Variants in COL28A1 observed in about 807,000 individuals in gnomAD.
The protein encoded by COL28A1 is collagen type XXVIII alpha 1 chain.
Under a neutral mutation model 150.2 loss-of-function variants are expected in COL28A1, and 161 were observed. The ratio of observed to expected loss-of-function variants is 1.07; its 90% CI spans 0.94 to 1.22. The LOEUF (loss-of-function observed/expected upper bound fraction) is 1.22, where lower values mean the gene tolerates loss of function less well. COL28A1 is among the 50% of genes most tolerant of loss of function. The pLI, the probability that COL28A1 is intolerant of heterozygous loss-of-function variation, is 0.00. For synonymous variants in COL28A1, 552 were observed against 469.7 expected, an observed-to-expected ratio of 1.18 and a Z score of -2.26; for missense variants, 1,617 against 1,388.3, an observed-to-expected ratio of 1.16 and a Z score of -2.62.
intron 27 of COL28A1, among the ~76,000 whole-genome samples, chr7:7,394,681 C>T (rs185361430): frequency 4.0e-5 from 6 of 151,836 alleles, no homozygotes; most frequent in East Asian, 3.9e-4. Flanking sequence ...TTATCTACCC[C>T]GAGACTGTGA....
chr7:7,417,640 T>G, intron 27 of COL28A1: 1 of 546,414 alleles, frequency 1.8e-6, no homozygotes, highest in South Asian at 2.3e-5. Context: ...AGTTCACTTT[T>G]GCACCAAGCA....
chr7:7,400,234 T>C (rs928854916), intron 27 of COL28A1, among the ~76,000 whole-genome samples: 1 of 152,164 alleles, frequency 6.6e-6, no homozygotes, highest in Admixed American at 6.6e-5. Context: ...AGTTAAGGAT[T>C]GTGGCATGGG....
At chr7:7,473,177 G>T (rs553281696) in intron 15 of COL28A1, among the ~76,000 whole-genome samples, 2 of 152,226 alleles carry the variant, frequency 1.3e-5, no homozygotes, top group Admixed American at 6.5e-5. Context: ...ATAAATAGCT[G>T]GGACTTAATT....
chr7:7,389,537 G>A (rs1218218005), intron 27 of COL28A1, among the ~76,000 whole-genome samples: 1 of 152,176 alleles, frequency 6.6e-6, no homozygotes, highest in East Asian at 1.9e-4. Context: ...TGTGATGGAA[G>A]TCAATAGTAG....
chr7:7,521,245 T>A (rs1781708055), intron 5 of COL28A1, among the ~76,000 whole-genome samples: 1 of 152,220 alleles, frequency 6.6e-6, no homozygotes. Flanking sequence ...GCATTTCCAG[T>A]GATCTAGATG....
intron 25 of COL28A1, among the ~76,000 whole-genome samples, chr7:7,425,463 G>C (rs1784602953): frequency 6.6e-6 from 1 of 152,168 alleles, no homozygotes; most frequent in Non-Finnish European, 1.5e-5. Context: ...GTATTACACA[G>C]GTCCCACACG....
chr7:7,437,975 C>T (rs1214919928), intron 21 of COL28A1, among the ~76,000 whole-genome samples: 1 of 146,288 alleles, frequency 6.8e-6, no homozygotes, highest in Non-Finnish European at 1.5e-5. Flanking sequence ...TGGCTCACAC[C>T]TGTAATCCCA....
At chr7:7,391,487 T>C (rs1782537263) in intron 27 of COL28A1, among the ~76,000 whole-genome samples, 1 of 152,224 alleles carries the variant, frequency 6.6e-6, no homozygotes, top group Admixed American at 6.5e-5. Context: ...TAGATGTCTA[T>C]TAGGTCCAGC....
Position 7,515,961 on chromosome 7 carries a change from G to A in COL28A1, c.856-121C>T. ...CACATCTATACAGTCTGGAAAATTA[G>A]ATCATAGAAATGTAAACTGTTCCAC... On this transcript the variant is annotated intron_variant, in intron 7 of 34. Transcript: ENST00000399429. The A allele has an allele frequency of 1.3e-5, 8 of 612,196 alleles. No individual in the cohort carries two copies. The East Asian group carries it at 2.4e-4, about 18-fold the overall frequency. The allele number at this position is 612,196 out of a possible 1,614,324, so 37.9% of individuals were successfully genotyped here. A position where few individuals can be genotyped will look rare whatever the true frequency, so the allele number is the denominator to read the frequency against.
At chr7:7,375,580 T>C in intron 30 of COL28A1, 83 bp from the exon 31 acceptor site, 5 of 867,882 alleles carry the variant, frequency 5.8e-6, no homozygotes, top group Non-Finnish European at 8.4e-6. Context: ...CTCATTACAA[T>C]CAGCACTGGA....
chr7:7,436,208 T>C (rs574094921), intron 23 of COL28A1, among the ~76,000 whole-genome samples, 187 bp downstream of exon 23: 109 of 152,322 alleles, frequency 7.2e-4, no homozygotes, highest in Admixed American at 1.4e-3. Context: ...AAGAGCTACT[T>C]TTCCCCACAA....
At chr7:7,513,690 G>T (rs1781270804) in intron 8 of COL28A1, among the ~76,000 whole-genome samples, 1 of 152,136 alleles carries the variant, frequency 6.6e-6, no homozygotes, top group Non-Finnish European at 1.5e-5. Context: ...ATATAAAACA[G>T]AAAGTACCAT....
chr7:7,494,233 T>C (rs187413730), intron 11 of COL28A1, among the ~76,000 whole-genome samples: 1 of 152,308 alleles, frequency 6.6e-6, no homozygotes, highest in East Asian at 1.9e-4. Flanking sequence ...TTTAATCTTC[T>C]AACAATCATA....
chr7:7,521,826 G>T, intron 5 of COL28A1, 79 bp downstream of exon 5: 4 of 815,508 alleles, frequency 4.9e-6, no homozygotes, highest in Non-Finnish European at 8.8e-6. Context: ...GTGCAAAATA[G>T]CCCCGATGTT....
chr7:7,385,570 T>C (rs947639159), intron 27 of COL28A1, among the ~76,000 whole-genome samples: 1 of 152,224 alleles, frequency 6.6e-6, no homozygotes, highest in Non-Finnish European at 1.5e-5. Context: ...CTCCAGAAGA[T>C]GTCCAATACA....
chr7:7,487,842 T>C (rs1340487766), intron 13 of COL28A1, among the ~76,000 whole-genome samples: 1 of 152,160 alleles, frequency 6.6e-6, no homozygotes, highest in Non-Finnish European at 1.5e-5. Context: ...AAGCTTTACA[T>C]GATGAGTGGT....
In COL28A1 at chr7:7,363,964, C is replaced by A. The variant is rs111915894; in HGVS notation, c.3067-3436G>T. ...CCCAGCCTCCTCCACATTTTTATAA[C>A]CTTGTCTTCCACTACTCCCAGAATA... is the stretch of plus-strand genomic sequence containing the variant. On this transcript the variant is annotated intron_variant, in intron 33 of 34. Coordinates refer to ENST00000399429, the MANE Select transcript of COL28A1 (RefSeq NM_001037763.3). 2.9e-3 allele frequency among the ~76,000 whole-genome samples: 445 copies of A among 152,082 alleles called. 6 individuals carry two copies. The highest frequency in any genetic ancestry group is 0.01 in the African/African-American group (423 of 41,484).
chr7:7,458,361 A>G (rs1787338870), intron 15 of COL28A1, among the ~76,000 whole-genome samples: 2 of 152,126 alleles, frequency 1.3e-5, no homozygotes. Context: ...TGGTGCAGTG[A>G]GCTGAGATGG....
intron 25 of COL28A1, among the ~76,000 whole-genome samples, chr7:7,424,340 GC>G (rs1268940112): frequency 1.3e-5 from 2 of 152,088 alleles, no homozygotes; most frequent in African/African-American, 4.8e-5. Context: ...TCCATGTTAG[GC>G]CACCACACCT....
Sources: allele counts gnomAD v4.1 joint callset (sites outside exome capture counted in the v4.1 genomes callset), GRCh38; gene constraint gnomAD v4.1.1; transcripts MANE v1.5; gene names NCBI Gene and HGNC (gene_info 2026-07-23, HGNC 2026-07-21).